CASP9: variants seen among roughly 807,000 people sequenced by gnomAD.
The protein encoded by CASP9 is caspase 9.
A neutral mutation model predicts 43.5 loss-of-function variants in CASP9; 29 were observed. The ratio of observed to expected loss-of-function variants is 0.67; its 90% CI spans 0.50 to 0.91. The LOEUF is 0.91. CASP9 is among the 40% of genes least tolerant of loss of function. The pLI is 0.00. For synonymous variants in CASP9, 206 were observed against 211.9 expected (o/e 0.97, Z 0.24); for missense variants, 575 against 537.4 (o/e 1.07, Z -0.69).
In CASP9 at chr1:15,507,875, A is replaced by G; in HGVS notation, c.451T>C (p.Leu151=). 1 of 1,614,158 alleles carries G rather than the reference A, an allele frequency of 6.2e-7. No homozygotes were observed. The highest frequency in any genetic ancestry group is 8.5e-7 in the Non-Finnish European group (1 of 1,179,998). Residue 151 remains leucine (L), a splice_region_variant and synonymous_variant, in exon 3 of 9, where the codon TTG becomes CTG. Transcript: ENST00000333868. ...ALESLRGNAD[L]AYILSMEPCG... The stretch of plus-strand genomic sequence containing the variant: ...GCCCAAATTTCATGGAGACTCACCA[A>G]ATCTGCATTTCCCCTCAAACTCTCA...
In CASP9 at chr1:15,504,653, C is replaced by G; in HGVS notation, c.826G>C (p.Gly276Arg). 6.2e-7 allele frequency: 1 copy of G among 1,614,154 alleles called. No individual in the cohort carries two copies. The highest frequency in any genetic ancestry group is 8.5e-7 in the Non-Finnish European group (1 of 1,180,006). The stretch of plus-strand genomic sequence containing the variant: ...ATGAAAAAGAGCTTGGGCTTCCCTC[C>G]CAGGCTGGGGCAGCTGGTCCCATTG... ...IFNGTSCPSL[G>R]GKPKLFFIQA... The change falls in exon 6 of 9, where the codon GGA becomes CGA. Residue 276 changes from glycine to arginine, a missense_variant. Transcript: ENST00000333868.
Position 15,507,017 on chromosome 1 carries a change from A to C in CASP9, c.512T>G (p.Phe171Cys). The C allele has an allele frequency of 1.2e-6, 2 of 1,614,192 alleles. No homozygotes were observed. Among genetic ancestry groups the C allele is most frequent in the Non-Finnish European group, 1.7e-6 (2 of 1,180,016 alleles). Residue 171 changes from phenylalanine to cysteine, a missense_variant, in exon 4 of 9, where the codon TTC (phenylalanine) becomes TGC (cysteine). Physicochemically the swap from Phe to Cys is radical, Grantham distance 205 (BLOSUM62 -2). Coordinates refer to ENST00000333868, the MANE Select transcript of CASP9 (RefSeq NM_001229.5). ...GHCLIINNVN[F>C]CRESGLRTRT... ...GGTGCGGAGCCCGGACTCACGGCAG[A>C]AGTTCACATTGTTGATAATGAGGCA...
chr1:15,509,311 A>G (rs1228415333), intron 2 of CASP9, among the ~76,000 whole-genome samples: 4 of 152,120 alleles, frequency 2.6e-5, no homozygotes, highest in Non-Finnish European at 5.9e-5. Flanking sequence ...GATACACGCA[A>G]TGCGGGATAA....
rs374046299 is a variant in CASP9 at position 15,497,945 on chromosome 1, A to C, written c.869-2493T>G. Among the ~76,000 whole-genome samples the C allele has an allele frequency of 1.7e-4, 26 of 152,384 alleles. No homozygotes were observed. In the East Asian group the frequency reaches 4.6e-3, roughly 27 times the overall value. On this transcript the variant is annotated intron_variant, in intron 6 of 8. Coordinates refer to ENST00000333868, the MANE Select transcript of CASP9 (RefSeq NM_001229.5). Reference sequence around the variant, plus strand: ...AACAGTATGGTACTGGCATAAAGACAGACATAGGTCAATGTCATTGAATAG... The same window carrying C: ...AACAGTATGGTACTGGCATAAAGACCGACATAGGTCAATGTCATTGAATAG...
In CASP9 at chr1:15,515,014, T is replaced by C. The variant is rs190985874; in HGVS notation, c.418+3096A>G. On this transcript the variant is annotated intron_variant, in intron 2 of 8. Coordinates refer to ENST00000333868, the MANE Select transcript of CASP9 (RefSeq NM_001229.5). ...AGTAAGACCCTATCTCAAAAAATAA[T>C]AATAATAAAGTAAAAAAAATTAAGT... is the stretch of plus-strand genomic sequence containing the variant. Among the ~76,000 whole-genome samples the C allele has an allele frequency of 2.6e-3, 398 of 152,106 alleles. 1 individual carries two copies. The highest frequency in any genetic ancestry group is 3.5e-3 in the Admixed American group (53 of 15,254).
intron 5 of CASP9, among the ~76,000 whole-genome samples, chr1:15,505,175 T>C (rs1441150238): frequency 2.0e-5 from 3 of 152,098 alleles, no homozygotes; most frequent in Non-Finnish European, 4.4e-5. Context: ...AGTGGCTGCT[T>C]TAAATCAGTT....
At chr1:15,500,816 C>T (rs531525675) in intron 6 of CASP9, among the ~76,000 whole-genome samples, 6 of 147,608 alleles carry the variant, frequency 4.1e-5, no homozygotes, top group East Asian at 2.0e-4. Flanking sequence ...TGGGGGATGC[C>T]GTTAAGAATG....
intron 7 of CASP9, 71 bp from the exon 8 acceptor site, chr1:15,494,072 C>T (rs1044841072): frequency 6.5e-7 from 1 of 1,531,028 alleles, no homozygotes; most frequent in Non-Finnish European, 8.8e-7. Flanking sequence ...CCCCTCTGGC[C>T]ATGCACGCTG....
chr1:15,495,401 G>C lies in CASP9; in HGVS notation c.920C>G (p.Ser307Cys). 1.2e-6 allele frequency: 2 copies of C among 1,607,828 alleles called. No individual in the cohort carries two copies. The highest frequency in any genetic ancestry group is 1.7e-6 in the Non-Finnish European group (2 of 1,177,180). Residue 307 changes from serine (S) to cysteine (C), a missense_variant, in exon 7 of 9, where the codon TCC becomes TGC. Physicochemically the swap from Ser to Cys is moderately radical, Grantham distance 112. Transcript: ENST00000333868. ...ATCTGGCTCGGGGTTACTGCCAGGG[G>C]ACTCGTCTTCAGGGGAAGTGGAGGC... ...EVASTSPEDESPGSNPEPDAT... is the reference protein window; with the variant it reads ...EVASTSPEDECPGSNPEPDAT...
chr1:15,518,304 G>C lies in CASP9; in HGVS notation c.224C>G (p.Ser75Cys). The change falls in exon 2 of 9, where the codon TCC (serine) becomes TGC (cysteine). Residue 75 changes from serine (S) to cysteine (C), a missense_variant. Ser to Cys is a moderately radical substitution (Grantham distance 112). Transcript: ENST00000333868. ...RGSQALPLFI[S>C]CLEDTGQDML... ...GTCCTGGCCTGTGTCCTCTAAGCAG[G>C]AGATGAACAAAGGAAGAGCCTGACT... 1 of 1,614,236 alleles carries C rather than the reference G, an allele frequency of 6.2e-7. No homozygotes were observed. Among genetic ancestry groups the C allele is most frequent in the Non-Finnish European group, 8.5e-7 (1 of 1,180,052 alleles).
rs771375761 is a variant in CASP9, at chr1:15,505,949, G to A, written c.720+41C>T. 7 of 1,497,966 alleles carry A rather than the reference G, an allele frequency of 4.7e-6. No homozygotes were observed. In the South Asian group the frequency reaches 7.9e-5, roughly 17 times the overall value. The allele number at this position is 1,497,966 out of a possible 1,614,324, so 92.8% of individuals were successfully genotyped here. ...CCTGCACAGCCTCTTGGCACGGCCA[G>A]TACCCAATGCCTGCCCAGGGAACAG... On this transcript the variant is annotated intron_variant, in intron 5 of 8. Transcript: ENST00000333868.
chr1:15,494,362 C>G (rs4646094), intron 7 of CASP9, among the ~76,000 whole-genome samples: 5 of 152,046 alleles, frequency 3.3e-5, no homozygotes, highest in Non-Finnish European at 5.9e-5. Context: ...GTCAGGAATT[C>G]TTGACCAGCC....
At position 15,511,092 on chromosome 1, in the gene CASP9, C is replaced by A. The variant is rs148310462; in HGVS notation, c.419-3185G>T. Among the ~76,000 whole-genome samples the A allele has an allele frequency of 5.9e-4, 90 of 152,208 alleles. 1 individual carries two copies. The East Asian group carries it at 0.013, about 23-fold the overall frequency. ...CCAGGGCGATCTGGCCAAAGCAATC[C>A]TCGAGGTGCGGAGGCGAGAAAAAAA... is the stretch of plus-strand genomic sequence containing the variant. On this transcript the variant is annotated intron_variant, in intron 2 of 8. Transcript: ENST00000333868.
chr1:15,496,377 T>G (rs767405999), intron 6 of CASP9, among the ~76,000 whole-genome samples: 26 of 152,166 alleles, frequency 1.7e-4, no homozygotes, highest in Non-Finnish European at 3.4e-4. Context: ...ATTTCTGCTT[T>G]TGCCACTTCT....
chr1:15,504,513 G>C, intron 6 of CASP9, 98 bp downstream of exon 6: 2 of 1,271,112 alleles, frequency 1.6e-6, no homozygotes, highest in Non-Finnish European at 2.2e-6. Context: ...TGCCTGGAGA[G>C]ACCTCATGGG....
At chr1:15,515,429 T>C (rs988967024) in intron 2 of CASP9, among the ~76,000 whole-genome samples, 1 of 152,204 alleles carries the variant, frequency 6.6e-6, no homozygotes, top group Non-Finnish European at 1.5e-5. Context: ...TCTGATACCA[T>C]GCAATGGTCC....
chr1:15,506,749 G>C, intron 4 of CASP9, 150 bp downstream of exon 4: 1 of 644,274 alleles, frequency 1.6e-6, no homozygotes, highest in Non-Finnish European at 2.7e-6. Flanking sequence ...GTCTGAACTT[G>C]AACCTGTAGC....
At chr1:15,508,583 T>G (rs1709613810) in intron 2 of CASP9, among the ~76,000 whole-genome samples, 1 of 152,092 alleles carries the variant, frequency 6.6e-6, no homozygotes, top group African/African-American at 2.4e-5. Context: ...CGGCTAATTT[T>G]TTTGTATTTT....
intron 7 of CASP9, among the ~76,000 whole-genome samples, chr1:15,494,633 G>T (rs1452229845): frequency 6.6e-6 from 1 of 151,514 alleles, no homozygotes; most frequent in South Asian, 2.1e-4. Flanking sequence ...GGAAGCCGAG[G>T]CAGGTGGATC....
Sources: gnomAD v4.1 joint callset for allele counts (sites outside exome capture counted in the v4.1 genomes callset) on GRCh38, gnomAD v4.1.1 for gene constraint, MANE v1.5 for transcripts, NCBI Gene and HGNC (gene_info 2026-07-23, HGNC 2026-07-21) for gene names.